Variants in MYOC observed in about 807,000 individuals in gnomAD.
MYOC encodes the protein myocilin.
A neutral mutation model predicts 28.2 loss-of-function variants in MYOC; 29 were observed. The ratio of observed to expected loss-of-function variants is 1.03; its 90% CI spans 0.77 to 1.40. The LOEUF is 1.40. Among genes scored for constraint, MYOC ranks in the 40% most tolerant of loss-of-function variants. The pLI, the probability that MYOC is intolerant of heterozygous loss-of-function variation, is 0.00. For missense variants in MYOC, 569 were observed against 620.6 expected (o/e 0.92, Z 0.88); for synonymous variants, 240 against 245.6 (o/e 0.98, Z 0.21).
chr1:171,641,726 C>T (rs1381914018), intron 1 of MYOC, among the ~76,000 whole-genome samples: 1 of 152,228 alleles, frequency 6.6e-6, no homozygotes, highest in Non-Finnish European at 1.5e-5. Flanking sequence ...CTCTGAGTCA[C>T]TTCTCTGCCC....
rs1242075694 is a variant in MYOC, at chr1:171,637,616, AT to A, written c.731-908del. Among the ~76,000 whole-genome samples, 739 of 143,334 alleles carry A rather than the reference AT, an allele frequency of 5.2e-3. 1 individual carries two copies. The highest frequency in any genetic ancestry group is 0.011 in the African/African-American group (442 of 39,362). The allele number at this position is 143,334 out of a possible 152,430, so 94.0% of individuals were successfully genotyped here. ...TACCAGAATCACAACAGATGTCTGTATTTTTTTTTTTTTTGAGACAGAGTCT... is the reference window on the plus strand; with the variant it reads ...TACCAGAATCACAACAGATGTCTGTATTTTTTTTTTTTTGAGACAGAGTCT... On this transcript the variant is annotated intron_variant, in intron 2 of 2. Coordinates refer to ENST00000037502, the MANE Select transcript of MYOC (RefSeq NM_000261.2).
chr1:171,642,509 G>T (rs1425868564), intron 1 of MYOC, among the ~76,000 whole-genome samples: 1 of 151,940 alleles, frequency 6.6e-6, no homozygotes, highest in Non-Finnish European at 1.5e-5. Flanking sequence ...CTACTCGGGA[G>T]GCTGAGGCAG....
chr1:171,639,050 T>C (rs1280688037), intron 1 of MYOC, among the ~76,000 whole-genome samples: 2 of 152,234 alleles, frequency 1.3e-5, no homozygotes, highest in Non-Finnish European at 2.9e-5. Context: ...GAGCCGAGAC[T>C]ACACTATTGT....
At position 171,652,072 on chromosome 1, in the gene MYOC, C is replaced by T. The variant is rs760063838; in HGVS notation, c.540G>A (p.Leu180=). Residue 180 remains leucine, a synonymous_variant, in exon 1 of 3, where the codon CTG becomes CTA. Coordinates refer to ENST00000037502, the MANE Select transcript of MYOC (RefSeq NM_000261.2). ...GGGTCTGGGGACACTGGCCCCTTCT[C>T]AGCCTTGCTACCTCCTGGCTGCTGC... is the stretch of plus-strand genomic sequence containing the variant. The part of the protein sequence containing the change: ...LESSSQEVAR[L]RRGQCPQTRD... 1.2e-5 allele frequency: 19 copies of T among 1,614,108 alleles called. No individual in the cohort carries two copies. Among genetic ancestry groups the T allele is most frequent in the African/African-American group, 4.0e-5 (3 of 74,920 alleles).
chr1:171,640,931 G>A (rs151239501), intron 1 of MYOC, among the ~76,000 whole-genome samples: 88 of 152,278 alleles, frequency 5.8e-4, no homozygotes, highest in African/African-American at 2.0e-3. Flanking sequence ...AGGCACAGAC[G>A]ATTTTTAGGG....
At chr1:171,651,926 G>A in intron 1 of MYOC, 82 bp downstream of exon 1, 3 of 1,594,018 alleles carry the variant, frequency 1.9e-6, no homozygotes, top group Non-Finnish European at 2.6e-6. Flanking sequence ...AGGGCAGGCA[G>A]GGAGGCCTGG....
intron 1 of MYOC, among the ~76,000 whole-genome samples, chr1:171,648,172 G>C (rs1354869795): frequency 2.9e-5 from 4 of 135,638 alleles, no homozygotes; most frequent in Non-Finnish European, 4.6e-5. Flanking sequence ...CTGGGGGACA[G>C]AGAAAGACTC....
intron 1 of MYOC, among the ~76,000 whole-genome samples, chr1:171,648,458 C>A (rs1653256567): frequency 6.6e-6 from 1 of 151,966 alleles, no homozygotes; most frequent in Non-Finnish European, 1.5e-5. Context: ...GTCTCAACTT[C>A]TCTTCTCTAG....
intron 1 of MYOC, 60 bp from the exon 2 acceptor site, chr1:171,638,782 A>G: frequency 3.1e-6 from 5 of 1,588,972 alleles, no homozygotes; most frequent in Admixed American, 1.7e-5. Context: ...AGGATTGACT[A>G]TGTTGAGGAT....
intron 1 of MYOC, among the ~76,000 whole-genome samples, chr1:171,647,500 GT>G (rs1313274456): frequency 6.6e-6 from 1 of 152,000 alleles, no homozygotes; most frequent in African/African-American, 2.4e-5. Flanking sequence ...CTCCAGCCTG[GT>G]GATAGAGCGA....
chr1:171,638,105 G>T (rs1652972041), intron 2 of MYOC, among the ~76,000 whole-genome samples: 1 of 152,168 alleles, frequency 6.6e-6, no homozygotes, highest in Non-Finnish European at 1.5e-5. Flanking sequence ...TAGTCATAAA[G>T]TTGGACTTTC....
intron 1 of MYOC, among the ~76,000 whole-genome samples, chr1:171,643,968 CAAAAAA>C (rs145167337): frequency 2.2e-5 from 2 of 89,442 alleles, no homozygotes; most frequent in Non-Finnish European, 2.1e-5. Context: ...GACTCTGTCT[CAAAAAA>C]AAAAAAAAAA....
chr1:171,652,166 T>G lies in MYOC; in HGVS notation c.446A>C (p.Lys149Thr). 1.9e-6 allele frequency: 3 copies of G among 1,614,166 alleles called. No individual in the cohort carries two copies. The highest frequency in any genetic ancestry group is 2.5e-6 in the Non-Finnish European group (3 of 1,180,024). ...ETAYSNLLRD[K>T]SVLEEEKKRL... ...CTTCTTCTCTTCCTCCAGAACTGAC[T>G]TGTCTCGGAGGAGGTTGCTGTAGGC... The change falls in exon 1 of 3, where the codon AAG (lysine) becomes ACG (threonine). Residue 149 changes from lysine to threonine, a missense_variant. By Grantham distance (78) the Lys-to-Thr change is moderately conservative. Transcript: ENST00000037502.
At chr1:171,637,766 C>T (rs1652964439) in intron 2 of MYOC, among the ~76,000 whole-genome samples, 1 of 152,070 alleles carries the variant, frequency 6.6e-6, no homozygotes, top group African/African-American at 2.4e-5. Flanking sequence ...ATGACTGCCA[C>T]CATGCCTGGC....
At chr1:171,651,851 G>A (rs1001651472) in intron 1 of MYOC, among the ~76,000 whole-genome samples, 157 bp downstream of exon 1, 4 of 152,184 alleles carry the variant, frequency 2.6e-5, no homozygotes, top group Non-Finnish European at 2.9e-5. Flanking sequence ...AGTAATACTT[G>A]AAGGTGATCG....
Position 171,635,833 on chromosome 1 carries a change from G to C in MYOC, c.*92C>G. 1 of 1,381,116 alleles carries C rather than the reference G, an allele frequency of 7.2e-7. No homozygotes were observed. The highest frequency in any genetic ancestry group is 1.0e-6 in the Non-Finnish European group (1 of 988,356). 85.6% of individuals were successfully genotyped at this position (1,381,116 alleles called of 1,614,324 possible). On this transcript the variant is annotated 3_prime_UTR_variant, in exon 3 of 3. Transcript: ENST00000037502. Reference sequence around the variant, plus strand: ...ACTTGGAAAGCAGTCAAAGCTGCCTGGGCCCTGGCTGGCTGGCTCTCCCTT... The same window carrying C: ...ACTTGGAAAGCAGTCAAAGCTGCCTCGGCCCTGGCTGGCTGGCTCTCCCTT...
At chr1:171,649,812 A>T (rs962755462) in intron 1 of MYOC, among the ~76,000 whole-genome samples, 1 of 152,152 alleles carries the variant, frequency 6.6e-6, no homozygotes, top group African/African-American at 2.4e-5. Context: ...AAAGAAAGAA[A>T]GTCACTGAAC....
Position 171,652,507 on chromosome 1 carries a change from A to T in MYOC, c.105T>A (p.Ala35=). 6.2e-7 allele frequency: 1 copy of T among 1,614,144 alleles called. No individual in the cohort carries two copies. Among genetic ancestry groups the T allele is most frequent in the Non-Finnish European group, 8.5e-7 (1 of 1,180,022 alleles). The change falls in exon 1 of 3, where the codon GCT becomes GCA. Residue 35 remains alanine (A), a synonymous_variant. Transcript: ENST00000037502. ...CLVWDVGART[A]QLRKANDQSG... ...TCTGGTCATTGGCCTTCCTGAGCTG[A>T]GCTGTCCTGGCCCCCACATCCCACA...
chr1:171,647,381 G>A (rs171003), intron 1 of MYOC, among the ~76,000 whole-genome samples: 88,961 of 148,134 alleles, frequency 0.6, 26,382 homozygotes, highest in South Asian at 0.69. Context: ...AAAATTAGCC[G>A]GGCATGGTGG....
Sources: allele counts gnomAD v4.1 joint callset (sites outside exome capture counted in the v4.1 genomes callset), GRCh38; gene constraint gnomAD v4.1.1; transcripts MANE v1.5; gene names NCBI Gene and HGNC (gene_info 2026-07-23, HGNC 2026-07-21).